DIAPH2: variants seen among roughly 807,000 people sequenced by gnomAD.
DIAPH2 encodes the protein protein diaphanous homolog 2.
A neutral mutation model predicts 92.7 loss-of-function variants in DIAPH2; 35 were observed. The ratio of observed to expected loss-of-function variants is 0.38; its 90% confidence interval spans 0.29 to 0.50. The LOEUF is 0.50. Among genes scored for constraint, DIAPH2 ranks in the 20% least tolerant of loss-of-function variants. The pLI is 0.94. For synonymous variants in DIAPH2, 301 were observed against 280.4 expected, an observed-to-expected ratio of 1.07 and a Z score of -0.73; for missense variants, 701 against 819.5, an observed-to-expected ratio of 0.86 and a Z score of 1.77.
At chrX:97,560,098 G>GAT (rs1465326382) in intron 26 of DIAPH2, among the ~76,000 whole-genome samples, 2 of 111,497 alleles carry the variant, frequency 1.8e-5, no homozygotes, top group South Asian at 3.8e-4. Flanking sequence ...TGACCCATAT[G>GAT]CCAGGAACAG....
intron 17 of DIAPH2, among the ~76,000 whole-genome samples, chrX:97,050,911 G>A (rs1482879426): frequency 8.9e-6 from 1 of 112,119 alleles, no homozygotes; most frequent in East Asian, 2.8e-4. Context: ...CGGAGTGAAG[G>A]TGGTAACATT....
At chrX:96,735,950 G>A (rs757317647) in intron 2 of DIAPH2, among the ~76,000 whole-genome samples, 160 bp downstream of exon 2, 3 of 111,700 alleles carry the variant, frequency 2.7e-5, no homozygotes, top group African/African-American at 9.7e-5. Context: ...CTTCCTTTTC[G>A]AATATTAACA....
chrX:97,336,719 A>G (rs2069065369), intron 23 of DIAPH2, among the ~76,000 whole-genome samples: 1 of 111,980 alleles, frequency 8.9e-6, no homozygotes, highest in African/African-American at 3.2e-5. Context: ...TTTAATCAAA[A>G]TGTTTGAATA....
chrX:97,224,864 G>T (rs764775434), intron 22 of DIAPH2, among the ~76,000 whole-genome samples: 5 of 111,225 alleles, frequency 4.5e-5, no homozygotes, highest in African/African-American at 1.6e-4. Flanking sequence ...CCACCTCTTT[G>T]TAGCCACATT....
At chrX:97,594,192 T>TAG (rs1387800327) in intron 26 of DIAPH2, among the ~76,000 whole-genome samples, 6 of 109,242 alleles carry the variant, frequency 5.5e-5, no homozygotes, top group Admixed American at 9.8e-5. Flanking sequence ...AGTATATATA[T>TAG]ATATATACGT....
At chrX:96,817,568 A>G (rs1005327227) in intron 4 of DIAPH2, among the ~76,000 whole-genome samples, 1 of 111,476 alleles carries the variant, frequency 9.0e-6, no homozygotes, top group African/African-American at 3.3e-5. Flanking sequence ...GTCACCCACC[A>G]TAGACTGGGT....
chrX:97,107,559 G>A (rs527699118), intron 20 of DIAPH2, among the ~76,000 whole-genome samples: 1 of 111,669 alleles, frequency 9.0e-6, no homozygotes, highest in African/African-American at 3.3e-5. Context: ...AAATGCCCCT[G>A]CCTTATTTCC....
At chrX:97,587,574 C>T (rs1042364867) in intron 26 of DIAPH2, among the ~76,000 whole-genome samples, 1 of 112,129 alleles carries the variant, frequency 8.9e-6, no homozygotes, top group Non-Finnish European at 1.9e-5. Context: ...ATTCTGACTT[C>T]TGGCTGATCT....
At chrX:96,789,437 C>A in intron 4 of DIAPH2, among the ~76,000 whole-genome samples, 1 of 112,115 alleles carries the variant, frequency 8.9e-6, no homozygotes, top group South Asian at 3.7e-4. Context: ...TCCCCAAAAT[C>A]CAGGTTCCCA....
chrX:96,983,031 G>T (rs958242989), intron 17 of DIAPH2, among the ~76,000 whole-genome samples: 3 of 109,649 alleles, frequency 2.7e-5, no homozygotes, highest in Non-Finnish European at 5.7e-5. Context: ...CCATATTTTG[G>T]GGGGAGTGCG....
At chrX:97,115,492 T>A (rs769840933) in intron 21 of DIAPH2, among the ~76,000 whole-genome samples, 1 of 111,087 alleles carries the variant, frequency 9.0e-6, no homozygotes, top group African/African-American at 3.3e-5. Context: ...GCCGAGATCA[T>A]GCCACTGTAC....
chrX:96,763,970 CTT>C (rs201674981), intron 4 of DIAPH2, among the ~76,000 whole-genome samples: 12 of 97,319 alleles, frequency 1.2e-4, no homozygotes, highest in Non-Finnish European at 8.4e-5. Context: ...TCTTACTCTT[CTT>C]TTTTTTTTTT....
At position 96,812,778 on chromosome X, in the gene DIAPH2, AC is replaced by A. The variant is rs769747180; in HGVS notation, c.447+54523del. Among the ~76,000 whole-genome samples, 62 of 111,700 alleles carry A rather than the reference AC, an allele frequency of 5.6e-4. No individual in the cohort carries two copies. In the Middle Eastern group the frequency reaches 0.014, roughly 25 times the overall value. On this transcript the variant is annotated intron_variant, in intron 4 of 26. Coordinates refer to ENST00000324765, the MANE Select transcript of DIAPH2 (RefSeq NM_006729.5). The stretch of plus-strand genomic sequence containing the variant: ...TTTCTCTGCCTTCATTTTGTTATGT[AC>A]CCAGTAGTCATTCAGGAGCAGGTTG...
At chrX:97,068,841 A>G (rs1259966725) in intron 17 of DIAPH2, among the ~76,000 whole-genome samples, 1 of 112,363 alleles carries the variant, frequency 8.9e-6, no homozygotes, top group Non-Finnish European at 1.9e-5. Flanking sequence ...ACAAATATGT[A>G]TGCGTGAAGT....
chrX:96,976,862 C>T (rs1328064347), intron 17 of DIAPH2, among the ~76,000 whole-genome samples: 3 of 110,486 alleles, frequency 2.7e-5, no homozygotes, highest in Non-Finnish European at 5.7e-5. Context: ...ACATTATATC[C>T]CAAGAGCGAT....
Position 96,939,299 on chromosome X carries a change from T to TA in DIAPH2, c.1243dup (p.Met415AsnfsTer8), listed in dbSNP as rs770069234. ...ATGAAGTCTACCATCTTCTATATAA[T>TA]ATGCTGAAGGACACTGCTGCTGAAA... On this transcript the variant is annotated frameshift_variant, in exon 12 of 27. Coordinates refer to ENST00000324765, the MANE Select transcript of DIAPH2 (RefSeq NM_006729.5). LOFTEE classifies it high-confidence loss of function. 1.8e-6 allele frequency: 2 copies of TA among 1,132,036 alleles called. No individual in the cohort carries two copies. Among genetic ancestry groups the TA allele is most frequent in the African/African-American group, 3.7e-5 (2 of 54,311 alleles). 93.3% of individuals were successfully genotyped at this position (1,132,036 alleles called of 1,213,427 possible).
intron 4 of DIAPH2, among the ~76,000 whole-genome samples, chrX:96,871,607 C>G (rs2065143710): frequency 9.0e-6 from 1 of 110,504 alleles, no homozygotes; most frequent in African/African-American, 3.3e-5. Flanking sequence ...GTGCCATGGG[C>G]CCCTCTGAAA....
At position 97,056,438 on chromosome X, in the gene DIAPH2, A is replaced by G. The variant is rs149274428; in HGVS notation, c.2051-16503A>G. ...TCATACTGAGATTCTTTATTTTAAA[A>G]CTGATAATGACCATACGTATTAAAG... On this transcript the variant is annotated intron_variant, in intron 17 of 26. Coordinates refer to ENST00000324765, the MANE Select transcript of DIAPH2 (RefSeq NM_006729.5). Among the ~76,000 whole-genome samples, 287 of 111,663 alleles carry G rather than the reference A, an allele frequency of 2.6e-3. 2 individuals are homozygous for G. The South Asian group carries it at 0.058, about 22-fold the overall frequency.
At chrX:97,598,753 T>C (rs5921859) in intron 26 of DIAPH2, among the ~76,000 whole-genome samples, 5,374 of 111,622 alleles carry the variant, frequency 0.048, 138 homozygotes, top group Non-Finnish European at 0.073. Flanking sequence ...TTTTACATCA[T>C]ACAATCAAGC....
Sources: gnomAD v4.1 joint callset for allele counts (sites outside exome capture counted in the v4.1 genomes callset) on GRCh38, gnomAD v4.1.1 for gene constraint, MANE v1.5 for transcripts, NCBI Gene and HGNC (gene_info 2026-07-23, HGNC 2026-07-21) for gene names.